Variants in XPNPEP3 observed in about 807,000 individuals in gnomAD.
The protein encoded by XPNPEP3 is X-prolyl aminopeptidase 3.
In XPNPEP3, 41 loss-of-function variants were observed where a neutral mutation model predicts 60.0. The ratio of observed to expected loss-of-function variants is 0.68; its 90% CI spans 0.53 to 0.89. The LOEUF (loss-of-function observed/expected upper bound fraction) is 0.89, where lower values mean the gene tolerates loss of function less well. Among genes scored for constraint, XPNPEP3 ranks in the 40% least tolerant of loss-of-function variants. XPNPEP3 has a pLI of 0.00. For synonymous variants in XPNPEP3, 212 were observed against 223.2 expected, an observed-to-expected ratio of 0.95 and a Z score of 0.45; for missense variants, 598 against 638.9, an observed-to-expected ratio of 0.94 and a Z score of 0.69.
intron 2 of XPNPEP3, among the ~76,000 whole-genome samples, chr22:40,877,755 T>C (rs1308370675): frequency 6.6e-6 from 1 of 152,218 alleles, no homozygotes; most frequent in South Asian, 2.1e-4. Context: ...TATTGAGATA[T>C]AGTTTTATCA....
In XPNPEP3 at chr22:40,882,128, C is replaced by T. The variant is rs1160456567; in HGVS notation, c.540C>T (p.Asp180=). The stretch of plus-strand genomic sequence containing the variant: ...GAGCAATAGCTCTAACTGGAGTAGA[C>T]GAAGCCTATACGCTAGAAGAATTTC... ...TDGAIALTGV[D]EAYTLEEFQH... Residue 180 remains aspartate (D), a synonymous_variant, in exon 3 of 10, where the codon GAC becomes GAT. Coordinates refer to ENST00000357137, the MANE Select transcript of XPNPEP3 (RefSeq NM_022098.4). The T allele has an allele frequency of 1.9e-5, 31 of 1,614,050 alleles. No homozygotes were observed. The highest frequency in any genetic ancestry group is 4.5e-5 in the East Asian group (2 of 44,882).
chr22:40,898,053 C>T (rs2058115989), intron 4 of XPNPEP3, among the ~76,000 whole-genome samples: 3 of 151,700 alleles, frequency 2.0e-5, no homozygotes, highest in African/African-American at 7.3e-5. Context: ...CTATTCATAG[C>T]GTCCTTTAAT....
chr22:40,893,266 G>T (rs1421951820), intron 4 of XPNPEP3, among the ~76,000 whole-genome samples: 2 of 150,662 alleles, frequency 1.3e-5, no homozygotes, highest in Non-Finnish European at 3.0e-5. Flanking sequence ...CCAGCACTTT[G>T]GGAGGCCGAG....
chr22:40,919,266 G>A (rs2058207592), intron 7 of XPNPEP3, among the ~76,000 whole-genome samples: 1 of 152,114 alleles, frequency 6.6e-6, no homozygotes. Context: ...GAAGTACATT[G>A]TAAAAAGGCC....
At position 40,886,453 on chromosome 22, in the gene XPNPEP3, C is replaced by T. The variant is rs756370658; in HGVS notation, c.730C>T (p.Arg244Trp). The change falls in exon 4 of 10, where the codon CGG becomes TGG. Residue 244 changes from arginine to tryptophan, a missense_variant. Coordinates refer to ENST00000357137, the MANE Select transcript of XPNPEP3 (RefSeq NM_022098.4). ...RGVQQLIQRL[R>W]LIKSPAEIER... ...TGTTCAGCAGCTGATACAGCGCCTC[C>T]GGCTGATCAAGTCTCCTGCAGAAAT... 5.6e-6 allele frequency: 9 copies of T among 1,614,098 alleles called. No homozygotes were observed. The highest frequency in any genetic ancestry group is 1.3e-5 in the African/African-American group (1 of 75,022).
At chr22:40,864,214 G>A (rs910183777) in intron 1 of XPNPEP3, among the ~76,000 whole-genome samples, 1 of 152,198 alleles carries the variant, frequency 6.6e-6, no homozygotes, top group Admixed American at 6.5e-5. Context: ...ACCATATAGG[G>A]TAACTTCCTG....
At chr22:40,862,006 T>C (rs760629225) in intron 1 of XPNPEP3, 88 of 1,571,172 alleles carry the variant, frequency 5.6e-5, no homozygotes, top group Non-Finnish European at 7.1e-5. Flanking sequence ...TTTTAACAGA[T>C]AGTTGGAAGT....
At chr22:40,914,067 G>A (rs986901072) in intron 6 of XPNPEP3, among the ~76,000 whole-genome samples, 172 bp from the exon 7 acceptor site, 1 of 151,686 alleles carries the variant, frequency 6.6e-6, no homozygotes, top group Admixed American at 6.6e-5. Context: ...GCTTGAACGC[G>A]GGAAGCGGAG....
At chr22:40,868,880 G>A in intron 1 of XPNPEP3, 119 bp from the exon 2 acceptor site, 6 of 811,154 alleles carry the variant, frequency 7.4e-6, no homozygotes, top group Middle Eastern at 5.6e-4. Flanking sequence ...AGGAGAGAAG[G>A]AAGGAAATAT....
intron 2 of XPNPEP3, among the ~76,000 whole-genome samples, chr22:40,880,028 CAAA>C (rs963115248): frequency 5.7e-5 from 3 of 52,852 alleles, no homozygotes; most frequent in Middle Eastern, 0.01. Flanking sequence ...CTCTGTCTCC[CAAA>C]AAAAAAAAAA....
intron 4 of XPNPEP3, among the ~76,000 whole-genome samples, chr22:40,896,136 G>A (rs550303675): frequency 3.3e-5 from 5 of 152,134 alleles, no homozygotes; most frequent in Non-Finnish European, 2.9e-5. Flanking sequence ...GGAGTTTAAT[G>A]ACAGGCAGTT....
chr22:40,871,343 A>AC (rs2058004703), intron 2 of XPNPEP3, among the ~76,000 whole-genome samples: 2 of 152,162 alleles, frequency 1.3e-5, no homozygotes, highest in African/African-American at 2.4e-5. Context: ...ACAGAATGAG[A>AC]CCGTGTCTCT....
chr22:40,860,632 A>G (rs1481445738), intron 1 of XPNPEP3: 1 of 1,315,736 alleles, frequency 7.6e-7, no homozygotes, highest in Non-Finnish European at 1.0e-6. Context: ...AAAAGTAAAA[A>G]ACTCATTGCA....
chr22:40,922,526 T>C lies in XPNPEP3; in HGVS notation c.1236+13T>C. ...TAATGCCTTCAAGGTACTTCACTTC[T>C]CTTGACCCCAGTTCTCAAGAACACC... is the stretch of plus-strand genomic sequence containing the variant. On this transcript the variant is annotated intron_variant, in intron 8 of 9. Coordinates refer to ENST00000357137, the MANE Select transcript of XPNPEP3 (RefSeq NM_022098.4). 2 of 1,613,540 alleles carry C rather than the reference T, an allele frequency of 1.2e-6. No individual in the cohort carries two copies. Among genetic ancestry groups the C allele is most frequent in the South Asian group, 2.2e-5 (2 of 91,032 alleles).
Position 40,928,308 on chromosome 22 carries a change from G to GTT in XPNPEP3, c.*1873_*1874insTT, listed in dbSNP as rs2058242873. 2 of 151,688 alleles carry GTT rather than the reference G, an allele frequency of 1.3e-5. No homozygotes were observed. The highest frequency in any genetic ancestry group is 4.2e-4 in the South Asian group (2 of 4,812). The allele number at this position is 151,688 out of a possible 1,614,324, so 9.4% of individuals were successfully genotyped here. A position where few individuals can be genotyped will look rare whatever the true frequency, so the allele number is the denominator to read the frequency against. On this transcript the variant is annotated 3_prime_UTR_variant, in exon 10 of 10. Transcript: ENST00000357137. ...TACAACCTCCACCACCTGGGTTCAG[G>GTT]CAATTCTCCTGCCTCAGCCTCCCAA...
At chr22:40,860,653 T>G in intron 1 of XPNPEP3, 2 of 1,307,966 alleles carry the variant, frequency 1.5e-6, no homozygotes, top group South Asian at 2.9e-5. Context: ...GTTTTCCAAA[T>G]TCCTTTTTTT....
At chr22:40,897,905 G>T (rs1243743948) in intron 4 of XPNPEP3, among the ~76,000 whole-genome samples, 1 of 152,052 alleles carries the variant, frequency 6.6e-6, no homozygotes, top group Non-Finnish European at 1.5e-5. Flanking sequence ...TACCTGTTCA[G>T]TTCCTTTGCC....
chr22:40,909,315 C>G, intron 6 of XPNPEP3, 80 bp downstream of exon 6: 1 of 1,099,560 alleles, frequency 9.1e-7, no homozygotes, highest in Non-Finnish European at 1.4e-6. Context: ...TGTCCTCTCA[C>G]CTTCAGCTTT....
chr22:40,861,533 A>G, intron 1 of XPNPEP3: 1 of 1,613,800 alleles, frequency 6.2e-7, no homozygotes, highest in South Asian at 1.1e-5. Flanking sequence ...TATATCCTGT[A>G]TCATATGAAG....
Sources: gnomAD v4.1 joint callset for allele counts (sites outside exome capture counted in the v4.1 genomes callset) on GRCh38, gnomAD v4.1.1 for gene constraint, MANE v1.5 for transcripts, NCBI Gene and HGNC (gene_info 2026-07-23, HGNC 2026-07-21) for gene names.